The following ZNF277 variants were observed in gnomAD, a reference collection of about 807,000 sequenced individuals.
The protein encoded by ZNF277 is nuclear receptor-interacting factor 4.
Under a neutral mutation model 60.7 loss-of-function variants are expected in ZNF277, and 55 were observed. The observed-to-expected ratio is 0.91, with a 90% CI of 0.73 to 1.13. The LOEUF (loss-of-function observed/expected upper bound fraction) is 1.13, where lower values mean the gene tolerates loss of function less well. Ranked by LOEUF, ZNF277 falls within the 50% of genes most tolerant of loss-of-function variation. The pLI is 0.00. For synonymous variants in ZNF277, 178 were observed against 179.3 expected, an observed-to-expected ratio of 0.99 and a Z score of 0.06; for missense variants, 510 against 523.0, an observed-to-expected ratio of 0.98 and a Z score of 0.24.
chr7:112,251,078 G>A (rs1432991779), intron 1 of ZNF277, among the ~76,000 whole-genome samples: 1 of 151,628 alleles, frequency 6.6e-6, no homozygotes, highest in Non-Finnish European at 1.5e-5. Flanking sequence ...TGCATTTCTT[G>A]TTTCTTCCTC....
intron 4 of ZNF277, among the ~76,000 whole-genome samples, chr7:112,305,654 A>T (rs1792571837): frequency 1.3e-5 from 2 of 151,952 alleles, no homozygotes; most frequent in African/African-American, 4.8e-5. Flanking sequence ...ATCCAAGTCA[A>T]CTGTTTTCAC....
intron 1 of ZNF277, among the ~76,000 whole-genome samples, chr7:112,277,405 A>G (rs960261585): frequency 2.6e-5 from 4 of 152,138 alleles, no homozygotes; most frequent in African/African-American, 7.2e-5. Flanking sequence ...TATTAAATCA[A>G]GAGACTTTCT....
intron 1 of ZNF277, among the ~76,000 whole-genome samples, chr7:112,224,266 A>G (rs1306353180): frequency 2.0e-5 from 3 of 152,276 alleles, no homozygotes; most frequent in Non-Finnish European, 4.4e-5. Context: ...CACATAAAAT[A>G]CACTAACACT....
intron 7 of ZNF277, among the ~76,000 whole-genome samples, chr7:112,335,421 C>T (rs928392547): frequency 2.2e-4 from 33 of 152,128 alleles, no homozygotes; most frequent in African/African-American, 7.7e-4. Flanking sequence ...CATTCCTACT[C>T]ATCACTCCAT....
chr7:112,265,686 T>C (rs1400394117), intron 1 of ZNF277, among the ~76,000 whole-genome samples: 1 of 152,198 alleles, frequency 6.6e-6, no homozygotes, highest in Non-Finnish European at 1.5e-5. Flanking sequence ...AGAAAAATCA[T>C]CATAATGTTA....
At chr7:112,244,799 T>C (rs1229499001) in intron 1 of ZNF277, among the ~76,000 whole-genome samples, 1 of 152,160 alleles carries the variant, frequency 6.6e-6, no homozygotes, top group Non-Finnish European at 1.5e-5. Flanking sequence ...ACCTACACTT[T>C]CTGTTTGTAA....
At chr7:112,266,006 A>G (rs1271489519) in intron 1 of ZNF277, among the ~76,000 whole-genome samples, 1 of 152,198 alleles carries the variant, frequency 6.6e-6, no homozygotes, top group Non-Finnish European at 1.5e-5. Context: ...TCCAGAAAGA[A>G]GCTACTAGAG....
intron 1 of ZNF277, among the ~76,000 whole-genome samples, chr7:112,244,677 C>G (rs1451913822): frequency 6.6e-6 from 1 of 152,040 alleles, no homozygotes; most frequent in African/African-American, 2.4e-5. Flanking sequence ...ATAGTTTTCT[C>G]TATTACCTCT....
At chr7:112,301,234 C>A (rs1158358198) in intron 4 of ZNF277, among the ~76,000 whole-genome samples, 3 of 152,022 alleles carry the variant, frequency 2.0e-5, no homozygotes, top group Non-Finnish European at 4.4e-5. Flanking sequence ...AACTCCTGGG[C>A]TCAAGAGATC....
intron 1 of ZNF277, among the ~76,000 whole-genome samples, chr7:112,237,502 A>G (rs1790828850): frequency 6.6e-6 from 1 of 152,160 alleles, no homozygotes; most frequent in South Asian, 2.1e-4. Context: ...CAAATAAACA[A>G]TCAGAAATGA....
intron 1 of ZNF277, among the ~76,000 whole-genome samples, chr7:112,268,446 A>T (rs1791596901): frequency 6.6e-6 from 1 of 152,002 alleles, no homozygotes; most frequent in Non-Finnish European, 1.5e-5. Flanking sequence ...TATTATCTAT[A>T]TCTTCCTTGA....
chr7:112,280,820 G>A (rs1210832443), intron 1 of ZNF277, among the ~76,000 whole-genome samples: 1 of 152,026 alleles, frequency 6.6e-6, no homozygotes, highest in Non-Finnish European at 1.5e-5. Flanking sequence ...TGGAGATGGG[G>A]TTTCACCGTG....
intron 4 of ZNF277, among the ~76,000 whole-genome samples, chr7:112,307,231 A>G (rs995704468): frequency 2.0e-5 from 3 of 151,570 alleles, no homozygotes; most frequent in Admixed American, 6.6e-5. Context: ...TGTGTCTAGG[A>G]CTCTCAGGGA....
intron 1 of ZNF277, among the ~76,000 whole-genome samples, chr7:112,282,616 T>G (rs748957270): frequency 2.7e-4 from 41 of 152,236 alleles, no homozygotes; most frequent in Non-Finnish European, 5.3e-4. Context: ...CTGCTATTGC[T>G]GCTGCCTCAG....
At chr7:112,250,567 G>A (rs1172415033) in intron 1 of ZNF277, among the ~76,000 whole-genome samples, 1 of 152,082 alleles carries the variant, frequency 6.6e-6, no homozygotes, top group Non-Finnish European at 1.5e-5. Context: ...CCGGATGCCC[G>A]GCTTTAAAAT....
At chr7:112,248,092 A>G (rs1390140281) in intron 1 of ZNF277, among the ~76,000 whole-genome samples, 1 of 152,218 alleles carries the variant, frequency 6.6e-6, no homozygotes, top group Admixed American at 6.5e-5. Context: ...GTAGAAGTTT[A>G]ATTTCCACCT....
At position 112,286,860 on chromosome 7, in the gene ZNF277, T is replaced by TTTTTTC; in HGVS notation, c.92-13_92-12insTTTTTC. 1 of 1,242,756 alleles carries TTTTTTC rather than the reference T, an allele frequency of 8.0e-7. No homozygotes were observed. Among genetic ancestry groups the TTTTTTC allele is most frequent in the South Asian group, 1.7e-5 (1 of 60,096 alleles). The allele number at this position is 1,242,756 out of a possible 1,614,324, so 77.0% of individuals were successfully genotyped here. A position where few individuals can be genotyped will look rare whatever the true frequency, so the allele number is the denominator to read the frequency against. ...TTCTTTCTTTTTTTTTTTTTTTTTT[T>TTTTTTC]GGTCTATTCCAGACAGTAAGGATTG... On this transcript the variant is annotated splice_polypyrimidine_tract_variant and intron_variant, in intron 1 of 11. Transcript: ENST00000361822.
At chr7:112,310,364 C>T (rs764462291) in intron 4 of ZNF277, among the ~76,000 whole-genome samples, 5 of 151,620 alleles carry the variant, frequency 3.3e-5, no homozygotes, top group African/African-American at 9.7e-5. Context: ...AAGGGCCATC[C>T]GAATTCTCCA....
At chr7:112,218,592 T>C (rs1001158541) in intron 1 of ZNF277, among the ~76,000 whole-genome samples, 2 of 152,202 alleles carry the variant, frequency 1.3e-5, no homozygotes, top group African/African-American at 4.8e-5. Flanking sequence ...TGAAATTTTG[T>C]ACCTTTCGAC....
Sources: allele counts gnomAD v4.1 joint callset (sites outside exome capture counted in the v4.1 genomes callset), GRCh38; gene constraint gnomAD v4.1.1; transcripts MANE v1.5; gene names NCBI Gene and HGNC (gene_info 2026-07-23, HGNC 2026-07-21).